Variants in DYNC2H1 observed in about 807,000 individuals in gnomAD.
DYNC2H1 encodes the protein cytoplasmic dynein 2 heavy chain 1.
DYNC2H1 carries 410 observed loss-of-function variants against 570.0 expected under a neutral mutation model. The ratio of observed to expected loss-of-function variants is 0.72; its 90% CI spans 0.66 to 0.78. DYNC2H1 has a LOEUF of 0.78. Ranked by LOEUF, DYNC2H1 falls within the 30% of genes least tolerant of loss-of-function variation. The probability of loss-of-function intolerance (pLI) is 0.00; values close to 1 mark genes in which losing one functional copy is unlikely to be tolerated. For synonymous variants in DYNC2H1, 1,688 were observed against 1,677.6 expected (o/e 1.01, Z -0.15); for missense variants, 4,865 against 5,046.4 (o/e 0.96, Z 1.09).
At chr11:103,218,343 T>C (rs542407079) in intron 55 of DYNC2H1, among the ~76,000 whole-genome samples, 7 of 152,162 alleles carry the variant, frequency 4.6e-5, no homozygotes, top group Non-Finnish European at 8.8e-5. Context: ...AGCCAAACTA[T>C]GATAGAAATC....
intron 54 of DYNC2H1, among the ~76,000 whole-genome samples, chr11:103,212,242 T>C (rs575313040): frequency 6.6e-6 from 1 of 152,040 alleles, no homozygotes; most frequent in South Asian, 2.1e-4. Flanking sequence ...TTTTAGAAAT[T>C]AAGAAAACTC....
chr11:103,344,538 C>G (rs547270960), intron 82 of DYNC2H1, among the ~76,000 whole-genome samples: 1 of 152,264 alleles, frequency 6.6e-6, no homozygotes, highest in Admixed American at 6.5e-5. Flanking sequence ...TTCCTTTTGT[C>G]TGGAACATTC....
intron 70 of DYNC2H1, among the ~76,000 whole-genome samples, chr11:103,271,634 A>G (rs59000167): frequency 0.11 from 16,932 of 152,234 alleles, 972 homozygotes; most frequent in Non-Finnish European, 0.12. Flanking sequence ...ATAGTATATC[A>G]GTTTACTGTA....
intron 45 of DYNC2H1, among the ~76,000 whole-genome samples, chr11:103,190,061 C>G (rs1233380871): frequency 6.6e-6 from 1 of 152,162 alleles, no homozygotes; most frequent in African/African-American, 2.4e-5. Flanking sequence ...GGTTATTCTG[C>G]TGTCAGCTCA....
At chr11:103,407,381 A>G (rs1942904485) in intron 84 of DYNC2H1, 1 of 138,232 alleles carries the variant, frequency 7.2e-6, no homozygotes, top group Non-Finnish European at 1.5e-5. Context: ...CTATAGTTCT[A>G]GAAATAAGAG....
chr11:103,264,258 C>G lies in DYNC2H1; in HGVS notation c.10695+4281C>G, dbSNP rs546174468. ...AGCCCAGGGTCAGATGGATTCACAG[C>G]CAAATTCTACCAGAGGTACAAAGAG... On this transcript the variant is annotated intron_variant, in intron 70 of 88. Transcript: ENST00000375735. The surrounding 1 kb of genome is among the most constrained non-coding windows in gnomAD (Gnocchi z 4.8). Among the ~76,000 whole-genome samples, 4 of 152,072 alleles carry G rather than the reference C, an allele frequency of 2.6e-5. No homozygotes were observed. Among genetic ancestry groups the G allele is most frequent in the African/African-American group, 9.7e-5 (4 of 41,388 alleles).
chr11:103,233,625 T>C (rs192421197), intron 60 of DYNC2H1, among the ~76,000 whole-genome samples: 70 of 151,958 alleles, frequency 4.6e-4, no homozygotes, highest in Non-Finnish European at 7.7e-4. Flanking sequence ...AGATGAAGGA[T>C]AGGATATTTA....
In DYNC2H1 at chr11:103,189,845, A is replaced by G; in HGVS notation, c.7437+29A>G. The G allele has an allele frequency of 6.4e-7, 1 of 1,565,858 alleles. No individual in the cohort carries two copies. The highest frequency in any genetic ancestry group is 8.6e-7 in the Non-Finnish European group (1 of 1,160,678). On this transcript the variant is annotated intron_variant, in intron 45 of 88. Coordinates refer to ENST00000375735, the MANE Select transcript of DYNC2H1 (RefSeq NM_001377.3). This position sits in a 1 kb window ranked among gnomAD's most constrained non-coding sequence, Gnocchi z 4.3. ...GATATGCATCTAAATTGTAGCTTTC[A>G]TGTCTATTAGTATCATTTCTAAAGG...
At position 103,175,785 on chromosome 11, in the gene DYNC2H1, A is replaced by G. The variant is rs192867484; in HGVS notation, c.5675-450A>G. Among the ~76,000 whole-genome samples the G allele has an allele frequency of 4.3e-3, 655 of 152,304 alleles. 4 individuals are homozygous for G. Among genetic ancestry groups the G allele is most frequent in the South Asian group, 0.013 (62 of 4,832 alleles). On this transcript the variant is annotated intron_variant, in intron 36 of 88. Transcript: ENST00000375735. ...TTTAGAATTAGTTTATCTGGAATTG[A>G]ATCTTAGCTGTAATATTGCTGTGCC...
At chr11:103,448,919 C>A (rs1256449294) in intron 85 of DYNC2H1, among the ~76,000 whole-genome samples, 2 of 151,778 alleles carry the variant, frequency 1.3e-5, no homozygotes, top group East Asian at 3.9e-4. Flanking sequence ...ATCAAAGATT[C>A]TTTTTTTTCC....
At chr11:103,273,313 C>G (rs1241674063) in intron 70 of DYNC2H1, among the ~76,000 whole-genome samples, 2 of 152,022 alleles carry the variant, frequency 1.3e-5, no homozygotes, top group Non-Finnish European at 2.9e-5. Context: ...CCTCAGCCTC[C>G]CAAATACTGG....
intron 75 of DYNC2H1, among the ~76,000 whole-genome samples, chr11:103,302,800 T>G (rs535837640): frequency 1.2e-4 from 18 of 152,082 alleles, no homozygotes; most frequent in Admixed American, 7.2e-4. Context: ...TGTATTGTGG[T>G]CTCAATTTAC....
intron 6 of DYNC2H1, 38 bp from the exon 7 acceptor site, chr11:103,120,409 A>T: frequency 6.6e-7 from 1 of 1,526,588 alleles, no homozygotes; most frequent in African/African-American, 1.4e-5. Flanking sequence ...AAATGGTTGG[A>T]TTTAAATAAA....
chr11:103,323,974 G>A lies in DYNC2H1; in HGVS notation c.12023G>A (p.Arg4008His), dbSNP rs368508015. 22 of 1,610,640 alleles carry A rather than the reference G, an allele frequency of 1.4e-5. No individual in the cohort carries two copies. Among genetic ancestry groups the A allele is most frequent in the Admixed American group, 3.4e-5 (2 of 59,700 alleles). The change falls in exon 82 of 89, where the codon CGC (arginine) becomes CAC (histidine). Residue 4008 changes from arginine to histidine, a missense_variant. By Grantham distance (29) the Arg-to-His change is conservative. Coordinates refer to ENST00000375735, the MANE Select transcript of DYNC2H1 (RefSeq NM_001377.3). Reference sequence around the variant, plus strand: ...GCCAATATCGCTCGCTCATCTCAGCGCATGATCAGTTCTCAGGTAACCTAA... The same window carrying A: ...GCCAATATCGCTCGCTCATCTCAGCACATGATCAGTTCTCAGGTAACCTAA... ...LPANIARSSQRMISSQVISQL... is the reference protein window; with the variant it reads ...LPANIARSSQHMISSQVISQL...
intron 54 of DYNC2H1, among the ~76,000 whole-genome samples, chr11:103,214,588 C>T (rs1351234560): frequency 2.0e-5 from 3 of 151,536 alleles, no homozygotes; most frequent in South Asian, 4.2e-4. Context: ...GCGATACAGG[C>T]AGGTGCCACC....
chr11:103,146,712 C>T (rs942481658), intron 18 of DYNC2H1, among the ~76,000 whole-genome samples: 2 of 152,102 alleles, frequency 1.3e-5, no homozygotes, highest in Non-Finnish European at 2.9e-5. Flanking sequence ...AAGCAATTCT[C>T]CTACCTCAGC....
In DYNC2H1 at chr11:103,239,028, G is replaced by A. The variant is rs899587023; in HGVS notation, c.9819+2489G>A. ...AATATTGGTCAACTCAGTGGATAATGGAAAGTATAATAAGGCTGTTAGAAA... is the reference window on the plus strand; with the variant it reads ...AATATTGGTCAACTCAGTGGATAATAGAAAGTATAATAAGGCTGTTAGAAA... On this transcript the variant is annotated intron_variant, in intron 63 of 88. Coordinates refer to ENST00000375735, the MANE Select transcript of DYNC2H1 (RefSeq NM_001377.3). This position sits in a 1 kb window ranked among gnomAD's most constrained non-coding sequence, Gnocchi z 4.3. 8.5e-5 allele frequency among the ~76,000 whole-genome samples: 13 copies of A among 152,152 alleles called. No homozygotes were observed. Among genetic ancestry groups the A allele is most frequent in the Non-Finnish European group, 1.8e-4 (12 of 68,020 alleles).
intron 83 of DYNC2H1, among the ~76,000 whole-genome samples, chr11:103,368,700 C>T (rs1941018749): frequency 6.6e-6 from 1 of 152,162 alleles, no homozygotes; most frequent in Non-Finnish European, 1.5e-5. Context: ...TGCATATTTT[C>T]TTCTAGTAGT....
chr11:103,459,945 C>T (rs1245810743), intron 87 of DYNC2H1, among the ~76,000 whole-genome samples: 4 of 121,450 alleles, frequency 3.3e-5, no homozygotes, highest in Non-Finnish European at 6.2e-5. Flanking sequence ...GGCGACAGAG[C>T]GAGACTCCGT....
Sources: allele counts gnomAD v4.1 joint callset (sites outside exome capture counted in the v4.1 genomes callset), GRCh38; gene constraint gnomAD v4.1.1; non-coding constraint Gnocchi (gnomAD v3.1); transcripts MANE v1.5; gene names NCBI Gene and HGNC (gene_info 2026-07-23, HGNC 2026-07-21).